The following AFDN variants were observed in gnomAD, a reference collection of about 807,000 sequenced individuals.
AFDN encodes the protein afadin, adherens junction formation factor, also known as afadin.
A neutral mutation model predicts 216.6 loss-of-function variants in AFDN; 68 were observed. The observed-to-expected ratio is 0.31, with a 90% CI of 0.26 to 0.38. AFDN has a LOEUF of 0.38. Among genes scored for constraint, AFDN ranks in the 10% least tolerant of loss-of-function variants. The pLI is 1.00. For missense variants in AFDN, 2,136 were observed against 2,342.0 expected (o/e 0.91, Z 1.82); for synonymous variants, 868 against 853.7 (o/e 1.02, Z -0.29).
chr6:167,943,092 T>C (rs1172722397), intron 23 of AFDN, 37 bp from the exon 24 acceptor site: 3 of 1,568,736 alleles, frequency 1.9e-6, no homozygotes, highest in South Asian at 1.1e-5. Context: ...TTACAATATA[T>C]CTTCAATGCA....
At chr6:167,942,482 G>C (rs2128625761) in intron 23 of AFDN, among the ~76,000 whole-genome samples, 3 of 152,292 alleles carry the variant, frequency 2.0e-5, no homozygotes, top group South Asian at 4.1e-4. Flanking sequence ...GATTGTTATA[G>C]AGTTAGGTTT....
At chr6:167,883,607 G>A (rs936123365) in intron 6 of AFDN, among the ~76,000 whole-genome samples, 1 of 152,196 alleles carries the variant, frequency 6.6e-6, no homozygotes, top group Non-Finnish European at 1.5e-5. Context: ...TTCCCAATAC[G>A]TATAAAAGTT....
chr6:167,937,982 GCTC>G (rs1223184661), intron 23 of AFDN, among the ~76,000 whole-genome samples: 3 of 152,184 alleles, frequency 2.0e-5, no homozygotes, highest in Non-Finnish European at 4.4e-5. Context: ...AAGGGATAGA[GCTC>G]CTTATATTCA....
intron 1 of AFDN, among the ~76,000 whole-genome samples, chr6:167,830,186 G>A (rs1779670087): frequency 6.6e-6 from 1 of 152,136 alleles, no homozygotes; most frequent in Non-Finnish European, 1.5e-5. Flanking sequence ...GGGATTCCTG[G>A]ATAATTATGG....
chr6:167,902,922 AAGTT>A (rs1789173101), intron 12 of AFDN, among the ~76,000 whole-genome samples: 1 of 152,240 alleles, frequency 6.6e-6, no homozygotes, highest in African/African-American at 2.4e-5. Flanking sequence ...ACATAAAAGA[AAGTT>A]ACCAGATCTT....
intron 23 of AFDN, among the ~76,000 whole-genome samples, chr6:167,936,908 C>G (rs1400208183): frequency 6.6e-6 from 1 of 152,208 alleles, no homozygotes; most frequent in Admixed American, 6.5e-5. Context: ...TCTTTCATCT[C>G]TGGGTAATCA....
At chr6:167,912,666 A>T (rs1156946282) in intron 15 of AFDN, among the ~76,000 whole-genome samples, 1 of 152,174 alleles carries the variant, frequency 6.6e-6, no homozygotes, top group Non-Finnish European at 1.5e-5. Flanking sequence ...TCATGTTTGG[A>T]CTTACTAAGC....
At chr6:167,950,025 G>A (rs911738465) in intron 29 of AFDN, among the ~76,000 whole-genome samples, 2 of 152,148 alleles carry the variant, frequency 1.3e-5, no homozygotes, top group African/African-American at 4.8e-5. Flanking sequence ...CAGCCCTTCC[G>A]GCAGCAGGGA....
intron 12 of AFDN, among the ~76,000 whole-genome samples, chr6:167,906,775 A>G (rs541639446): frequency 6.6e-6 from 1 of 152,366 alleles, no homozygotes; most frequent in East Asian, 1.9e-4. Context: ...CTGAGAAATA[A>G]TAAACTTTAA....
rs1206441754 is a variant in AFDN, at chr6:167,951,325, C to T, written c.3971C>T (p.Ser1324Phe). The change falls in exon 30 of 34, where the codon TCT becomes TTT. Residue 1324 changes from serine (S) to phenylalanine (F), a missense_variant. Ser to Phe is a radical substitution (Grantham distance 155, BLOSUM62 -2). Transcript: ENST00000683244. The surrounding 1 kb of genome is among the most constrained non-coding windows in gnomAD (Gnocchi z 7.1). ...AGCTCCTCACTGGACTCCAGTACCT[C>T]TAGCCAGGAGCATCTGAACCATTCC... The part of the protein sequence containing the change: ...NQSSSLDSST[S>F]SQEHLNHSSK... 9 of 1,614,190 alleles carry T rather than the reference C, an allele frequency of 5.6e-6. No individual in the cohort carries two copies. Among genetic ancestry groups the T allele is most frequent in the Non-Finnish European group, 7.6e-6 (9 of 1,180,040 alleles).
In AFDN at chr6:167,962,832, C is replaced by A; in HGVS notation, c.4968+265C>A. On this transcript the variant is annotated intron_variant, in intron 31 of 33. Coordinates refer to ENST00000683244, the MANE Select transcript of AFDN (RefSeq NM_001386888.1). The surrounding 1 kb of genome is among the most constrained non-coding windows in gnomAD (Gnocchi z 5.2). ...ACTCTTGGGCGTGTGTAGCAGTGAG[C>A]CTCTTTGCAAAGGGTTCGTTTCCTC... 7.8e-7 allele frequency: 1 copy of A among 1,289,652 alleles called. No individual in the cohort carries two copies. The highest frequency in any genetic ancestry group is 2.9e-5 in the East Asian group (1 of 34,366). 79.9% of individuals were successfully genotyped at this position (1,289,652 alleles called of 1,614,324 possible).
intron 6 of AFDN, among the ~76,000 whole-genome samples, chr6:167,885,282 A>C (rs576815488): frequency 3.3e-5 from 5 of 152,314 alleles, no homozygotes; most frequent in Admixed American, 3.3e-4. Flanking sequence ...ATTTCCTTTA[A>C]GAAGTTTTCC....
intron 30 of AFDN, chr6:167,952,580 C>T (rs1479297095): frequency 5.7e-6 from 5 of 878,910 alleles, no homozygotes; most frequent in Admixed American, 6.2e-5. Flanking sequence ...TTGCAGGCCA[C>T]GGGGTCTCTG....
At chr6:167,863,595 A>G (rs1783828349) in intron 1 of AFDN, among the ~76,000 whole-genome samples, 1 of 152,248 alleles carries the variant, frequency 6.6e-6, no homozygotes, top group Admixed American at 6.5e-5. Flanking sequence ...GAACAACTGA[A>G]TCTTTAATCT....
In AFDN at chr6:167,909,232, CTAAA is replaced by C. The variant is rs1233581874; in HGVS notation, c.1770-1865_1770-1862del. Among the ~76,000 whole-genome samples, 10 of 151,864 alleles carry C rather than the reference CTAAA, an allele frequency of 6.6e-5. No individual in the cohort carries two copies. In the East Asian group the frequency reaches 9.7e-4, roughly 15 times the overall value. On this transcript the variant is annotated intron_variant, in intron 13 of 33. Transcript: ENST00000683244. ...TTGAGTTAAATCATTAGATCATAAA[CTAAA>C]TAATCAACTCTGAAACATATAATTT...
intron 6 of AFDN, among the ~76,000 whole-genome samples, chr6:167,883,551 G>A (rs560895354): frequency 6.6e-6 from 1 of 152,142 alleles, no homozygotes; most frequent in African/African-American, 2.4e-5. Context: ...AGACCGTCAC[G>A]GTAAATCTGG....
At chr6:167,935,222 A>C (rs1793836267) in intron 23 of AFDN, among the ~76,000 whole-genome samples, 1 of 152,236 alleles carries the variant, frequency 6.6e-6, no homozygotes, top group African/African-American at 2.4e-5. Flanking sequence ...CAGTTTCAAG[A>C]GGCATTTTAA....
At chr6:167,964,267 T>C (rs1032393106) in intron 31 of AFDN, 2 of 1,063,896 alleles carry the variant, frequency 1.9e-6, no homozygotes, top group Non-Finnish European at 2.3e-6. Flanking sequence ...CATTCATTTG[T>C]TGGGTAGAAT....
intron 18 of AFDN, 55 bp downstream of exon 18, chr6:167,914,793 C>A: frequency 8.0e-7 from 1 of 1,242,358 alleles, no homozygotes; most frequent in Non-Finnish European, 1.2e-6. Context: ...CGTTTAGCAT[C>A]ATTTTAATGC....
Sources: allele counts gnomAD v4.1 joint callset (sites outside exome capture counted in the v4.1 genomes callset), GRCh38; gene constraint gnomAD v4.1.1; non-coding constraint Gnocchi (gnomAD v3.1); transcripts MANE v1.5; gene names NCBI Gene and HGNC (gene_info 2026-07-23, HGNC 2026-07-21).